Variants in NTM observed in about 807,000 individuals in gnomAD.
NTM encodes the protein IgLON family member 2.
A neutral mutation model predicts 42.1 loss-of-function variants in NTM; 13 were observed. The ratio of observed to expected loss-of-function variants is 0.31; its 90% confidence interval spans 0.20 to 0.49. The LOEUF is 0.49. NTM is among the 20% of genes least tolerant of loss of function. The probability of loss-of-function intolerance (pLI) is 0.99; values close to 1 mark genes in which losing one functional copy is unlikely to be tolerated. For missense variants in NTM, 373 were observed against 452.8 expected (o/e 0.82, Z 1.60); for synonymous variants, 187 against 179.2 (o/e 1.04, Z -0.35).
intron 2 of NTM, among the ~76,000 whole-genome samples, chr11:131,975,927 A>G (rs1049219269): frequency 6.6e-6 from 1 of 152,058 alleles, no homozygotes; most frequent in Non-Finnish European, 1.5e-5. Flanking sequence ...GATTAACTCA[A>G]CTCTGGAGTC....
At chr11:131,806,403 T>C (rs958232018) in intron 1 of NTM, among the ~76,000 whole-genome samples, 2 of 152,160 alleles carry the variant, frequency 1.3e-5, no homozygotes, top group Non-Finnish European at 2.9e-5. Context: ...TATGAAAAGC[T>C]CATGTGAGCC....
chr11:132,126,370 G>T (rs561464685), intron 2 of NTM, among the ~76,000 whole-genome samples: 1 of 152,218 alleles, frequency 6.6e-6, no homozygotes, highest in South Asian at 2.1e-4. Context: ...GGGAGAGGAA[G>T]GTGTTCCTTC....
chr11:132,290,198 A>T (rs568116419), intron 4 of NTM, among the ~76,000 whole-genome samples: 6 of 152,180 alleles, frequency 3.9e-5, no homozygotes, highest in Non-Finnish European at 5.9e-5. Flanking sequence ...AATAACTTGG[A>T]CTGCAAGTCT....
chr11:131,698,339 G>C (rs1457106725), intron 1 of NTM, among the ~76,000 whole-genome samples: 2 of 152,092 alleles, frequency 1.3e-5, no homozygotes, highest in Non-Finnish European at 2.9e-5. Context: ...TTTGTGTCCT[G>C]GGTCCTTGGA....
At chr11:131,899,935 T>C (rs1425595816) in intron 1 of NTM, among the ~76,000 whole-genome samples, 1 of 152,274 alleles carries the variant, frequency 6.6e-6, no homozygotes, top group African/African-American at 2.4e-5. Context: ...TTTTGAATTT[T>C]CCTCAGCTGT....
chr11:131,494,436 A>C lies in NTM; in HGVS notation c.82+123548A>C, dbSNP rs190130657. Among the ~76,000 whole-genome samples the C allele has an allele frequency of 1.6e-3, 242 of 152,358 alleles. 7 individuals carry two copies. Among genetic ancestry groups the C allele is most frequent in the Non-Finnish European group, 1.5e-3 (103 of 68,042 alleles). Reference sequence around the variant, plus strand: ...TGGTAGAAGGCTTTCCAGAGGAGATACTAGCTCATGCCTAATGAATATGGT... The same window carrying C: ...TGGTAGAAGGCTTTCCAGAGGAGATCCTAGCTCATGCCTAATGAATATGGT... On this transcript the variant is annotated intron_variant, in intron 1 of 8. Coordinates refer to ENST00000683400, the MANE Select transcript of NTM (RefSeq NM_001352005.2).
intron 1 of NTM, among the ~76,000 whole-genome samples, chr11:131,882,251 CA>C (rs2049654808): frequency 6.6e-6 from 1 of 152,174 alleles, no homozygotes; most frequent in African/African-American, 2.4e-5. Flanking sequence ...AATGGAATTA[CA>C]GAGACCGGCA....
At chr11:131,668,465 T>C (rs537107355) in intron 1 of NTM, among the ~76,000 whole-genome samples, 33 of 152,124 alleles carry the variant, frequency 2.2e-4, no homozygotes, top group Non-Finnish European at 4.3e-4. Flanking sequence ...TGCTTGTAGC[T>C]TTGAGTGGAG....
rs972005505 is a variant in NTM, at chr11:131,716,684, C to T, written c.83-194880C>T. 1.1e-4 allele frequency among the ~76,000 whole-genome samples: 17 copies of T among 152,238 alleles called. No individual in the cohort carries two copies. The East Asian group carries it at 1.2e-3, about 10-fold the overall frequency. On this transcript the variant is annotated intron_variant, in intron 1 of 8. Transcript: ENST00000683400. ...GGTGAAGTGCCTGTTCAAATATTTT[C>T]ATTGCTTTTCTTTTCTCCATTGACT...
At chr11:132,290,912 G>A (rs2094435027) in intron 4 of NTM, among the ~76,000 whole-genome samples, 1 of 152,124 alleles carries the variant, frequency 6.6e-6, no homozygotes, top group Admixed American at 6.5e-5. Context: ...GTGGTAGTAT[G>A]ACAAAAGATA....
At chr11:131,797,845 A>G (rs1042179994) in intron 1 of NTM, among the ~76,000 whole-genome samples, 12 of 152,220 alleles carry the variant, frequency 7.9e-5, no homozygotes, top group African/African-American at 2.9e-4. Context: ...CTCACCTTGT[A>G]TCATATAATT....
intron 3 of NTM, among the ~76,000 whole-genome samples, chr11:132,210,039 C>T (rs2082595094): frequency 6.6e-6 from 1 of 152,126 alleles, no homozygotes; most frequent in African/African-American, 2.4e-5. Flanking sequence ...GAGGCAAGAC[C>T]AGCATTAAAA....
intron 1 of NTM, among the ~76,000 whole-genome samples, chr11:131,393,625 A>G (rs772025521): frequency 1.1e-4 from 16 of 152,134 alleles, no homozygotes; most frequent in Non-Finnish European, 1.9e-4. Flanking sequence ...CAGGGTGAAC[A>G]GAGAGGGAGG....
At chr11:131,592,640 C>A (rs1349012024) in intron 1 of NTM, among the ~76,000 whole-genome samples, 1 of 121,556 alleles carries the variant, frequency 8.2e-6, no homozygotes, top group Non-Finnish European at 1.6e-5. Flanking sequence ...TACACACACA[C>A]ACCCCAAACA....
At chr11:131,404,047 T>C (rs1429113819) in intron 1 of NTM, among the ~76,000 whole-genome samples, 2 of 152,092 alleles carry the variant, frequency 1.3e-5, no homozygotes, top group African/African-American at 4.8e-5. Flanking sequence ...TCTCCCATAT[T>C]TAAAATGGCA....
chr11:131,761,669 C>A (rs2084202639), intron 1 of NTM, among the ~76,000 whole-genome samples: 1 of 151,910 alleles, frequency 6.6e-6, no homozygotes, highest in African/African-American at 2.4e-5. Flanking sequence ...ATTAGCCAGG[C>A]GTGGTGGCGC....
chr11:132,265,889 C>T (rs748392114), intron 4 of NTM, among the ~76,000 whole-genome samples: 2 of 152,238 alleles, frequency 1.3e-5, no homozygotes, highest in Admixed American at 6.5e-5. Flanking sequence ...GAAACACATC[C>T]GCAGGTGGCA....
intron 1 of NTM, among the ~76,000 whole-genome samples, chr11:131,776,137 T>G (rs2086931866): frequency 6.6e-6 from 1 of 152,184 alleles, no homozygotes. Context: ...GAAGCTCCAC[T>G]CTTAATTAGG....
intron 7 of NTM, among the ~76,000 whole-genome samples, chr11:132,326,810 C>G (rs988871586): frequency 7.9e-5 from 12 of 152,178 alleles, no homozygotes; most frequent in African/African-American, 2.7e-4. Flanking sequence ...GCCTCCTTTG[C>G]TAGTCTTCGA....
Sources: gnomAD v4.1 joint callset for allele counts (sites outside exome capture counted in the v4.1 genomes callset) on GRCh38, gnomAD v4.1.1 for gene constraint, MANE v1.5 for transcripts, NCBI Gene and HGNC (gene_info 2026-07-23, HGNC 2026-07-21) for gene names.